Variants in PRMT8 observed in about 807,000 individuals in gnomAD.
PRMT8 encodes protein arginine N-methyltransferase 8.
PRMT8 carries 7 observed loss-of-function variants against 47.1 expected under a neutral mutation model. The observed-to-expected ratio is 0.15, with a 90% CI of 0.08 to 0.28. The LOEUF is 0.28. Among genes scored for constraint, PRMT8 ranks in the 10% least tolerant of loss-of-function variants. PRMT8 has a pLI of 1.00. For synonymous variants in PRMT8, 188 were observed against 186.5 expected, an observed-to-expected ratio of 1.01 and a Z score of -0.07; for missense variants, 237 against 505.4, an observed-to-expected ratio of 0.47 and a Z score of 5.09.
chr12:3,565,114 A>G (rs1866697909), intron 4 of PRMT8, among the ~76,000 whole-genome samples: 1 of 152,218 alleles, frequency 6.6e-6, no homozygotes, highest in Admixed American at 6.5e-5. Flanking sequence ...TCAAACTGGA[A>G]CTTGGAGGCA....
At chr12:3,422,019 G>T in intron 1 of PRMT8, among the ~76,000 whole-genome samples, 1 of 152,168 alleles carries the variant, frequency 6.6e-6, no homozygotes, top group East Asian at 1.9e-4. Context: ...TCTGGTTCCA[G>T]GGGGCAGTGG....
intron 1 of PRMT8, among the ~76,000 whole-genome samples, chr12:3,474,723 T>A (rs2058242): frequency 0.74 from 112,686 of 152,026 alleles, 42,212 homozygotes; most frequent in Middle Eastern, 0.86. Flanking sequence ...AGCAGTCTGC[T>A]TGCCCCCATA....
At chr12:3,432,088 C>T (rs1011435796) in intron 1 of PRMT8, among the ~76,000 whole-genome samples, 3 of 152,178 alleles carry the variant, frequency 2.0e-5, no homozygotes, top group African/African-American at 7.2e-5. Context: ...TGCGAGGAGA[C>T]GTGGGATCCC....
chr12:3,486,836 C>T (rs959280294), upstream of PRMT8, among the ~76,000 whole-genome samples: 5 of 152,164 alleles, frequency 3.3e-5, no homozygotes, highest in East Asian at 1.9e-4. Flanking sequence ...AGCACAAAAC[C>T]GCAGTGAATT....
At chr12:3,418,511 G>C (rs1864506534) in intron 1 of PRMT8, among the ~76,000 whole-genome samples, 1 of 152,208 alleles carries the variant, frequency 6.6e-6, no homozygotes, top group Non-Finnish European at 1.5e-5. Flanking sequence ...GCCCATGGCT[G>C]CTGATGCCAG....
Position 3,563,153 on chromosome 12 carries a change from T to C in PRMT8, c.482-5553T>C, listed in dbSNP as rs564884452. Among the ~76,000 whole-genome samples the C allele has an allele frequency of 2.9e-4, 44 of 152,060 alleles. No homozygotes were observed. In the South Asian group the frequency reaches 8.7e-3, roughly 30 times the overall value. On this transcript the variant is annotated intron_variant, in intron 4 of 9. Transcript: ENST00000382622. ...GAGTCCTGGTATTGTTCTGATTCAC[T>C]GAGTACTCCAGCCACTGCCTAAGGG... is the stretch of plus-strand genomic sequence containing the variant.
At position 3,570,457 on chromosome 12, in the gene PRMT8, T is replaced by G. The variant is rs1248821769; in HGVS notation, c.712+893T>G. Among the ~76,000 whole-genome samples, 2 of 152,150 alleles carry G rather than the reference T, an allele frequency of 1.3e-5. No homozygotes were observed. The highest frequency in any genetic ancestry group is 4.8e-5 in the African/African-American group (2 of 41,424). On this transcript the variant is annotated intron_variant, in intron 6 of 9. Coordinates refer to ENST00000382622, the MANE Select transcript of PRMT8 (RefSeq NM_019854.5). The surrounding 1 kb of genome is among the most constrained non-coding windows in gnomAD (Gnocchi z 5.5). ...CCAAATTAAAGCAAGAGGCAGAAGCTCCAACCTATCCATCAGACTGGGCAC... is the reference window on the plus strand; with the variant it reads ...CCAAATTAAAGCAAGAGGCAGAAGCGCCAACCTATCCATCAGACTGGGCAC...
intron 1 of PRMT8, among the ~76,000 whole-genome samples, chr12:3,516,250 T>G (rs1865789747): frequency 6.6e-6 from 1 of 152,254 alleles, no homozygotes; most frequent in South Asian, 2.1e-4. Flanking sequence ...TGGCTTCAGC[T>G]GCTCTGTCAC....
At chr12:3,451,800 C>T (rs372166198) in intron 1 of PRMT8, among the ~76,000 whole-genome samples, 95 of 152,300 alleles carry the variant, frequency 6.2e-4, no homozygotes, top group Non-Finnish European at 9.8e-4. Flanking sequence ...ATGGGAACTG[C>T]CTTAACTGGA....
upstream of PRMT8, among the ~76,000 whole-genome samples, chr12:3,489,058 T>C (rs948607365): frequency 1.3e-5 from 2 of 152,144 alleles, no homozygotes; most frequent in Non-Finnish European, 2.9e-5. Flanking sequence ...CATAGGCTCC[T>C]CACTCACAGC....
chr12:3,488,058 A>T (rs1311352488), upstream of PRMT8, among the ~76,000 whole-genome samples: 3 of 152,158 alleles, frequency 2.0e-5, no homozygotes, highest in Non-Finnish European at 2.9e-5. Context: ...TATGCTATGG[A>T]ATCAGGTATC....
At chr12:3,531,136 T>G (rs1866024689) in intron 1 of PRMT8, among the ~76,000 whole-genome samples, 1 of 152,186 alleles carries the variant, frequency 6.6e-6, no homozygotes. Context: ...GACCCAAATC[T>G]GGAACTAAAA....
At chr12:3,525,047 C>A (rs909812659) in intron 1 of PRMT8, among the ~76,000 whole-genome samples, 1 of 152,088 alleles carries the variant, frequency 6.6e-6, no homozygotes, top group African/African-American at 2.4e-5. Context: ...AATGGAGAAA[C>A]CCCATCACTA....
intron 1 of PRMT8, among the ~76,000 whole-genome samples, chr12:3,485,014 G>A (rs1256755287): frequency 3.9e-5 from 6 of 152,190 alleles, no homozygotes; most frequent in African/African-American, 1.4e-4. Context: ...TGGAAGGAAA[G>A]GAAAGAGAGG....
intron 1 of PRMT8, among the ~76,000 whole-genome samples, chr12:3,524,589 C>G (rs954465978): frequency 2.0e-5 from 3 of 148,292 alleles, no homozygotes; most frequent in African/African-American, 7.5e-5. Flanking sequence ...AGCCCCTGAG[C>G]TAACTAGAAT....
chr12:3,558,975 T>TATC (rs1192603549), intron 4 of PRMT8, among the ~76,000 whole-genome samples: 6 of 152,022 alleles, frequency 3.9e-5, no homozygotes, highest in Non-Finnish European at 7.4e-5. Context: ...TCTATCTATC[T>TATC]ATCTATCTAT....
chr12:3,593,495 A>C lies in PRMT8; in HGVS notation c.*313A>C. The C allele has an allele frequency of 2.9e-6, 1 of 342,810 alleles. No homozygotes were observed. The highest frequency in any genetic ancestry group is 3.2e-5 in the South Asian group (1 of 31,726). 21.2% of individuals were successfully genotyped at this position (342,810 alleles called of 1,614,324 possible). A position where few individuals can be genotyped will look rare whatever the true frequency, so the allele number is the denominator to read the frequency against. On this transcript the variant is annotated 3_prime_UTR_variant, in exon 10 of 10. Transcript: ENST00000382622. This position sits in a 1 kb window ranked among gnomAD's most constrained non-coding sequence, Gnocchi z 4.8. Reference sequence around the variant, plus strand: ...TCTCCCCGTCTCCTCCTTAACTGTGACTCTCCGGGTCTTCTGAGTTTTGCA... The same window carrying C: ...TCTCCCCGTCTCCTCCTTAACTGTGCCTCTCCGGGTCTTCTGAGTTTTGCA...
intron 1 of PRMT8, among the ~76,000 whole-genome samples, chr12:3,401,276 C>G (rs1199245055): frequency 6.6e-6 from 1 of 151,510 alleles, no homozygotes; most frequent in Non-Finnish European, 1.5e-5. Flanking sequence ...AATTCAACAT[C>G]ACTTCATGTT....
At chr12:3,582,993 C>T in intron 7 of PRMT8, 65 bp from the exon 8 acceptor site, 1 of 1,562,806 alleles carries the variant, frequency 6.4e-7, no homozygotes, top group Non-Finnish European at 8.7e-7. Context: ...AACGAGGCTG[C>T]TGACCGGGAC....
Sources: gnomAD v4.1 joint callset for allele counts (sites outside exome capture counted in the v4.1 genomes callset) on GRCh38, gnomAD v4.1.1 for gene constraint, Gnocchi (gnomAD v3.1) non-coding constraint, MANE v1.5 for transcripts, NCBI Gene and HGNC (gene_info 2026-07-23, HGNC 2026-07-21) for gene names.